Variants in KAT6B observed in about 807,000 individuals in gnomAD.
The protein encoded by KAT6B is lysine acetyltransferase 6B.
KAT6B carries 10 observed loss-of-function variants against 187.5 expected under a neutral mutation model. That is an observed-to-expected ratio of 0.05 (90% CI 0.03 to 0.09). The LOEUF is 0.09. Ranked by LOEUF, KAT6B falls within the 10% of genes least tolerant of loss-of-function variation. The pLI, the probability that KAT6B is intolerant of heterozygous loss-of-function variation, is 1.00. For missense variants in KAT6B, 1,952 were observed against 2,558.9 expected, an observed-to-expected ratio of 0.76 and a Z score of 5.12; for synonymous variants, 861 against 926.8, an observed-to-expected ratio of 0.93 and a Z score of 1.29.
chr10:74,943,678 T>G (rs1328464056), intron 3 of KAT6B, among the ~76,000 whole-genome samples: 1 of 151,962 alleles, frequency 6.6e-6, no homozygotes, highest in African/African-American at 2.4e-5. Flanking sequence ...TATAAAAAAC[T>G]AAAACTATAA....
intron 3 of KAT6B, among the ~76,000 whole-genome samples, chr10:74,937,181 C>T (rs989801707): frequency 1.3e-5 from 2 of 152,156 alleles, no homozygotes; most frequent in Non-Finnish European, 2.9e-5. Flanking sequence ...GGCTTTTTGA[C>T]TGAGAATTGT....
At chr10:75,017,841 G>C (rs994248058) in intron 13 of KAT6B, among the ~76,000 whole-genome samples, 4 of 152,234 alleles carry the variant, frequency 2.6e-5, no homozygotes, top group African/African-American at 9.6e-5. Flanking sequence ...TTACAAGTGA[G>C]TTCATTTAAC....
intron 3 of KAT6B, among the ~76,000 whole-genome samples, chr10:74,862,396 GGTTCC>G: frequency 6.6e-6 from 1 of 152,248 alleles, no homozygotes; most frequent in African/African-American, 2.4e-5. Flanking sequence ...CTAGGCCAGT[GGTTCC>G]CAAACTTTGC....
rs1364964946 is a variant in KAT6B at position 75,030,847 on chromosome 10, G to T, written c.6023G>T (p.Ser2008Ile). The T allele has an allele frequency of 2.5e-6, 4 of 1,614,054 alleles. No homozygotes were observed. The highest frequency in any genetic ancestry group is 1.3e-5 in the African/African-American group (1 of 74,924). ...CCAATGATGAACAGTGGCTACCACA[G>T]CAATCATGGCTATATGAATCAAACG... ...SQPMMNSGYH[S>I]NHGYMNQTPQ... is the part of the protein sequence containing the mutation. Residue 2008 changes from serine (S) to isoleucine (I), a missense_variant, in exon 18 of 18, where the codon AGC (serine) becomes ATC (isoleucine). Physicochemically the swap from Ser to Ile is moderately radical, Grantham distance 142. Coordinates refer to ENST00000287239, the MANE Select transcript of KAT6B (RefSeq NM_012330.4). The surrounding 1 kb of genome is among the most constrained non-coding windows in gnomAD (Gnocchi z 4.8).
intron 3 of KAT6B, among the ~76,000 whole-genome samples, chr10:74,946,379 G>A (rs1029358369): frequency 1.3e-5 from 2 of 152,088 alleles, no homozygotes; most frequent in African/African-American, 2.4e-5. Flanking sequence ...TAATGACCCA[G>A]GTGTTCCACT....
At chr10:74,828,769 G>T (rs1322501800) in intron 1 of KAT6B, among the ~76,000 whole-genome samples, 1 of 151,534 alleles carries the variant, frequency 6.6e-6, no homozygotes, top group South Asian at 2.1e-4. Flanking sequence ...GGGTTTCACC[G>T]TGTTAGCCAG....
chr10:74,886,250 TC>T (rs1157365036), intron 3 of KAT6B, among the ~76,000 whole-genome samples: 1 of 152,214 alleles, frequency 6.6e-6, no homozygotes, highest in Non-Finnish European at 1.5e-5. Flanking sequence ...ATTGGAATTT[TC>T]CCAGGTATGC....
At chr10:74,915,594 C>T (rs1264019393) in intron 3 of KAT6B, among the ~76,000 whole-genome samples, 1 of 152,226 alleles carries the variant, frequency 6.6e-6, no homozygotes, top group East Asian at 1.9e-4. Context: ...GGAACTGTAT[C>T]TCTCTGTATC....
chr10:74,963,700 C>T (rs1446268083), intron 4 of KAT6B, among the ~76,000 whole-genome samples: 1 of 152,090 alleles, frequency 6.6e-6, no homozygotes, highest in African/African-American at 2.4e-5. Context: ...TTTAAAAGAC[C>T]ACTAGTTTCT....
intron 11 of KAT6B, chr10:74,982,224 T>G (rs1309015661): frequency 2.8e-6 from 1 of 353,834 alleles, no homozygotes; most frequent in South Asian, 2.6e-5. Context: ...TCTTTGTAAA[T>G]TCTACTTTCT....
chr10:74,982,951 AG>A (rs1319206620), intron 11 of KAT6B: 1 of 152,278 alleles, frequency 6.6e-6, no homozygotes, highest in African/African-American at 2.4e-5. Flanking sequence ...AATAAAGGGA[AG>A]GTTGTAGGTT....
At chr10:74,874,780 G>C (rs1227822895) in intron 3 of KAT6B, among the ~76,000 whole-genome samples, 2 of 152,096 alleles carry the variant, frequency 1.3e-5, no homozygotes, top group African/African-American at 4.8e-5. Flanking sequence ...TTCTTTGTGT[G>C]AGATCTATGT....
At chr10:74,974,929 A>G (rs932026309) in intron 7 of KAT6B, among the ~76,000 whole-genome samples, 1 of 152,222 alleles carries the variant, frequency 6.6e-6, no homozygotes, top group African/African-American at 2.4e-5. Context: ...CTCTATTTAT[A>G]TAAGTTTGCA....
chr10:74,981,565 G>A (rs1365832885), intron 10 of KAT6B, among the ~76,000 whole-genome samples: 2 of 152,140 alleles, frequency 1.3e-5, no homozygotes, highest in Admixed American at 1.3e-4. Context: ...GTAGTGATGA[G>A]GTTTCACCAT....
rs1367515042 is a variant in KAT6B, at chr10:74,853,659, G to T, written c.621+10181G>T. Among the ~76,000 whole-genome samples, 4 of 124,288 alleles carry T rather than the reference G, an allele frequency of 3.2e-5. No homozygotes were observed. In the East Asian group the frequency reaches 9.9e-4, roughly 31 times the overall value. 81.5% of individuals were successfully genotyped at this position (124,288 alleles called of 152,430 possible). On this transcript the variant is annotated intron_variant, in intron 3 of 17. Transcript: ENST00000287239. ...TTTTTTTAATTTGAGATGGAGTCTT[G>T]CTGTCTTGCCCAGGCTGGAGTGTAG...
At chr10:74,953,920 TA>T (rs1840489944) in intron 3 of KAT6B, among the ~76,000 whole-genome samples, 1 of 152,230 alleles carries the variant, frequency 6.6e-6, no homozygotes, top group South Asian at 2.1e-4. Flanking sequence ...TGCATTGTCC[TA>T]GATTTAAAGA....
intron 3 of KAT6B, among the ~76,000 whole-genome samples, chr10:74,945,326 C>T (rs1030291309): frequency 9.2e-5 from 14 of 152,028 alleles, no homozygotes; most frequent in Admixed American, 6.5e-5. Context: ...ACTAATCTGT[C>T]GTGACAGAAA....
At chr10:74,851,803 T>A (rs1161352660) in intron 3 of KAT6B, among the ~76,000 whole-genome samples, 1 of 152,216 alleles carries the variant, frequency 6.6e-6, no homozygotes, top group Non-Finnish European at 1.5e-5. Context: ...ATGAAATATT[T>A]CTACAAATAG....
In KAT6B at chr10:74,843,173, G is replaced by T. The variant is rs1432746008; in HGVS notation, c.316G>T (p.Asp106Tyr). The T allele has an allele frequency of 6.2e-7, 1 of 1,614,210 alleles. No individual in the cohort carries two copies. The highest frequency in any genetic ancestry group is 1.7e-5 in the Admixed American group (1 of 60,018). The change falls in exon 3 of 18, where the codon GAT becomes TAT. Residue 106 changes from aspartate (D) to tyrosine (Y), a missense_variant. By Grantham distance (160) the Asp-to-Tyr change is radical. Transcript: ENST00000287239. Reference sequence around the variant, plus strand: ...ATCATGTAATGATCTCCGCAATGTGGATTGGAATAAACTTTTAAGGAGAGC... The same window carrying T: ...ATCATGTAATGATCTCCGCAATGTGTATTGGAATAAACTTTTAAGGAGAGC... ...RGSCNDLRNV[D>Y]WNKLLRRAIE...
Sources: allele counts gnomAD v4.1 joint callset (sites outside exome capture counted in the v4.1 genomes callset), GRCh38; gene constraint gnomAD v4.1.1; non-coding constraint Gnocchi (gnomAD v3.1); transcripts MANE v1.5; gene names NCBI Gene and HGNC (gene_info 2026-07-23, HGNC 2026-07-21).